The following SLC2A14 variants were observed in gnomAD, a reference collection of about 807,000 sequenced individuals.
The protein encoded by SLC2A14 is solute carrier family 2 member 14, also known as solute carrier family 2, facilitated glucose transporter member 14.
In SLC2A14, 13 loss-of-function variants were observed where a neutral mutation model predicts 43.0. The ratio of observed to expected loss-of-function variants is 0.30; its 90% CI spans 0.20 to 0.48. The LOEUF (loss-of-function observed/expected upper bound fraction) is 0.48, where lower values mean the gene tolerates loss of function less well. SLC2A14 is among the 20% of genes least tolerant of loss of function. The pLI is 0.99. For missense variants in SLC2A14, 428 were observed against 620.4 expected (o/e 0.69, Z 3.29); for synonymous variants, 190 against 233.8 (o/e 0.81, Z 1.71).
intron 2 of SLC2A14, chr12:7,860,861 C>G (rs7965853): frequency 6.6e-6 from 1 of 151,782 alleles, no homozygotes; most frequent in East Asian, 1.9e-4. Context: ...GGCGCAATCT[C>G]AGCTCACTGC....
In SLC2A14 at chr12:7,829,990, T is replaced by C. The variant is rs1454139853; in HGVS notation, c.289A>G (p.Ile97Val). The C allele has an allele frequency of 4.3e-6, 7 of 1,614,078 alleles. No individual in the cohort carries two copies. The Admixed American group carries it at 6.7e-5, about 15-fold the overall frequency. ...NRFGRRNSML[I>V]VNLLAATGGC... The stretch of plus-strand genomic sequence containing the variant: ...CCAGTGGCAGCCAACAGGTTGACAA[T>C]CAGCATTGAATTGCGCCTGTAAGGT... Residue 97 changes from isoleucine (I) to valine (V), a missense_variant, in exon 5 of 11, where the codon ATT becomes GTT. Physicochemically the swap from Ile to Val is conservative, Grantham distance 29. Transcript: ENST00000431042.
intron 2 of SLC2A14, among the ~76,000 whole-genome samples, chr12:7,844,831 G>A (rs774539332): frequency 8.6e-5 from 13 of 151,988 alleles, no homozygotes; most frequent in Admixed American, 4.6e-4. Context: ...CCACCGCACC[G>A]GGCTGTAAAT....
At chr12:7,846,382 T>C (rs1352895759) in intron 2 of SLC2A14, among the ~76,000 whole-genome samples, 2 of 151,390 alleles carry the variant, frequency 1.3e-5, no homozygotes, top group Non-Finnish European at 1.5e-5. Flanking sequence ...CTTCCCTACA[T>C]GAAACAAATC....
intron 2 of SLC2A14, among the ~76,000 whole-genome samples, chr12:7,853,429 CAAAAA>C (rs35414391): frequency 2.2e-4 from 19 of 84,620 alleles, no homozygotes; most frequent in African/African-American, 8.0e-4. Context: ...GACTCCATTT[CAAAAA>C]AAAAAAAAAA....
intron 2 of SLC2A14, among the ~76,000 whole-genome samples, chr12:7,862,432 C>T (rs1159876829): frequency 1.3e-5 from 2 of 152,118 alleles, no homozygotes; most frequent in East Asian, 3.9e-4. Flanking sequence ...CGGGGCAGGG[C>T]TCGGGACCTG....
chr12:7,868,639 C>T (rs1046795372), intron 2 of SLC2A14, among the ~76,000 whole-genome samples: 1 of 152,076 alleles, frequency 6.6e-6, no homozygotes, highest in Admixed American at 6.6e-5. Context: ...TGAAGAACTA[C>T]TACATCTTCC....
At chr12:7,830,153 CTTTCTT>C (rs1864892203) in intron 4 of SLC2A14, 147 bp from the exon 5 acceptor site, 2 of 1,020,584 alleles carry the variant, frequency 2.0e-6, no homozygotes, top group Non-Finnish European at 2.7e-6. Flanking sequence ...CTTTTCTTTT[CTTTCTT>C]TTTTTTTTTT....
intron 2 of SLC2A14, among the ~76,000 whole-genome samples, chr12:7,858,615 T>G (rs1429757907): frequency 1.3e-5 from 2 of 152,162 alleles, no homozygotes; most frequent in Non-Finnish European, 2.9e-5. Context: ...TTCTCCTGCC[T>G]CAGCCTCCCG....
chr12:7,880,298 C>A (rs1238274252), intron 1 of SLC2A14, among the ~76,000 whole-genome samples: 1 of 151,614 alleles, frequency 6.6e-6, no homozygotes, highest in Non-Finnish European at 1.5e-5. Context: ...AAAACTCCGT[C>A]TCAAAAATAA....
At chr12:7,858,384 C>T (rs1344256183) in intron 2 of SLC2A14, among the ~76,000 whole-genome samples, 1 of 152,142 alleles carries the variant, frequency 6.6e-6, no homozygotes, top group Admixed American at 6.6e-5. Flanking sequence ...AAGGACTTTA[C>T]ATATTCTAGA....
upstream of SLC2A14, among the ~76,000 whole-genome samples, chr12:7,874,869 C>T (rs1213057083): frequency 1.3e-5 from 1 of 79,304 alleles, no homozygotes; most frequent in African/African-American, 5.7e-5. Context: ...TATATAAATA[C>T]ATATATAAAT....
chr12:7,856,928 A>T (rs1489264527), intron 2 of SLC2A14, among the ~76,000 whole-genome samples: 1 of 151,824 alleles, frequency 6.6e-6, no homozygotes, highest in Non-Finnish European at 1.5e-5. Context: ...AACAAACCCT[A>T]ATTTCCAGAG....
chr12:7,859,119 T>G (rs1339547585), intron 2 of SLC2A14, among the ~76,000 whole-genome samples: 1 of 152,166 alleles, frequency 6.6e-6, no homozygotes, highest in African/African-American at 2.4e-5. Flanking sequence ...CTGGGCGTGA[T>G]GGCTGGTGCC....
At chr12:7,814,641 C>T in intron 10 of SLC2A14, 107 bp from the exon 11 acceptor site, 5 of 1,176,112 alleles carry the variant, frequency 4.3e-6, no homozygotes, top group Middle Eastern at 2.5e-4. Context: ...TATAACCCTT[C>T]CATATTTAAT....
intron 1 of SLC2A14, among the ~76,000 whole-genome samples, chr12:7,870,331 G>A (rs1449119944): frequency 6.6e-6 from 1 of 152,126 alleles, no homozygotes; most frequent in Non-Finnish European, 1.5e-5. Context: ...GGTTTACCTT[G>A]CCATATAAAA....
chr12:7,876,984 T>G (rs527354997), upstream of SLC2A14, among the ~76,000 whole-genome samples: 1 of 151,080 alleles, frequency 6.6e-6, no homozygotes, highest in African/African-American at 2.4e-5. Context: ...TCTTGTTTTT[T>G]AAAGCTGAAT....
intron 7 of SLC2A14, among the ~76,000 whole-genome samples, chr12:7,826,839 T>C (rs750270633): frequency 4.1e-3 from 35 of 8,560 alleles, no homozygotes; most frequent in African/African-American, 7.4e-3. Context: ...CTTTCTTTCC[T>C]TCCTTCCTTC....
At chr12:7,833,637 A>T (rs10744066) in intron 2 of SLC2A14, among the ~76,000 whole-genome samples, 4,452 of 152,168 alleles carry the variant, frequency 0.029, 196 homozygotes, top group African/African-American at 0.083. Flanking sequence ...AAAAATTAGC[A>T]GGGCATGGTG....
Position 7,837,059 on chromosome 12 carries a change from C to T in SLC2A14, c.19-4245G>A, listed in dbSNP as rs145574595. Among the ~76,000 whole-genome samples, 416 of 149,288 alleles carry T rather than the reference C, an allele frequency of 2.8e-3. 4 individuals carry two copies. Among genetic ancestry groups the T allele is most frequent in the African/African-American group, 9.4e-3 (381 of 40,522 alleles). ...GCACATGCCTGTAATCCCAGCTATT[C>T]GGGAGGCTGAGGCAAGAGAATCGCT... On this transcript the variant is annotated intron_variant, in intron 2 of 10. Transcript: ENST00000431042.
Sources: allele counts gnomAD v4.1 joint callset (sites outside exome capture counted in the v4.1 genomes callset), GRCh38; gene constraint gnomAD v4.1.1; transcripts MANE v1.5; gene names NCBI Gene and HGNC (gene_info 2026-07-23, HGNC 2026-07-21).